Variants in ATRNL1 observed in about 807,000 individuals in gnomAD.
ATRNL1 encodes the protein attractin like 1.
In ATRNL1, 95 loss-of-function variants were observed where a neutral mutation model predicts 182.7. The observed-to-expected ratio is 0.52, with a 90% CI of 0.44 to 0.62. ATRNL1 has a LOEUF of 0.62. ATRNL1 is among the 20% of genes least tolerant of loss of function. The pLI, the probability that ATRNL1 is intolerant of heterozygous loss-of-function variation, is 0.00. For missense variants in ATRNL1, 1,471 were observed against 1,679.5 expected, an observed-to-expected ratio of 0.88 and a Z score of 2.17; for synonymous variants, 576 against 568.3, an observed-to-expected ratio of 1.01 and a Z score of -0.19.
intron 21 of ATRNL1, among the ~76,000 whole-genome samples, chr10:115,437,488 T>G (rs1452806836): frequency 6.6e-6 from 1 of 152,056 alleles, no homozygotes. Flanking sequence ...TAAAATATCA[T>G]TACAGCACAT....
At chr10:115,843,703 T>C (rs2134344975) in intron 27 of ATRNL1, among the ~76,000 whole-genome samples, 1 of 152,174 alleles carries the variant, frequency 6.6e-6, no homozygotes, top group African/African-American at 2.4e-5. Flanking sequence ...GTAGGGAATG[T>C]CATTTTGGAC....
chr10:115,395,858 T>G (rs968126128), intron 20 of ATRNL1, among the ~76,000 whole-genome samples: 2 of 151,796 alleles, frequency 1.3e-5, no homozygotes, highest in Admixed American at 6.6e-5. Context: ...AATCAAATTT[T>G]TATGGTTTTG....
chr10:115,727,430 CT>C, intron 27 of ATRNL1, 75 bp downstream of exon 27: 1 of 1,109,876 alleles, frequency 9.0e-7, no homozygotes, highest in Non-Finnish European at 1.3e-6. Flanking sequence ...TCTACATCTG[CT>C]TATGAAGCCA....
chr10:115,780,217 G>A (rs1307420731), intron 27 of ATRNL1, among the ~76,000 whole-genome samples: 1 of 152,194 alleles, frequency 6.6e-6, no homozygotes, highest in African/African-American at 2.4e-5. Flanking sequence ...ACAGGATACA[G>A]CAAAACCAGG....
intron 16 of ATRNL1, among the ~76,000 whole-genome samples, chr10:115,301,611 A>C (rs566396856): frequency 3.6e-4 from 55 of 152,312 alleles, no homozygotes; most frequent in African/African-American, 1.3e-3. Flanking sequence ...TAATACTTAA[A>C]ATTATACAAC....
intron 1 of ATRNL1, among the ~76,000 whole-genome samples, chr10:115,096,190 A>C (rs1358864793): frequency 6.6e-6 from 1 of 152,186 alleles, no homozygotes; most frequent in African/African-American, 2.4e-5. Flanking sequence ...CTTGGAAGCT[A>C]TTATTTCCTA....
chr10:115,401,966 A>G (rs2134305658), intron 20 of ATRNL1, among the ~76,000 whole-genome samples: 1 of 152,266 alleles, frequency 6.6e-6, no homozygotes, highest in South Asian at 2.1e-4. Flanking sequence ...TTTGGCACCA[A>G]TTTAATATGT....
At chr10:115,701,590 A>G (rs1373416883) in intron 26 of ATRNL1, among the ~76,000 whole-genome samples, 1 of 152,032 alleles carries the variant, frequency 6.6e-6, no homozygotes, top group Non-Finnish European at 1.5e-5. Context: ...GATCCAAATA[A>G]CCAAAATCAG....
At chr10:115,663,840 C>T (rs145187604) in intron 26 of ATRNL1, among the ~76,000 whole-genome samples, 218 of 151,578 alleles carry the variant, frequency 1.4e-3, no homozygotes, top group African/African-American at 5.0e-3. Context: ...TTTTCTGGTT[C>T]TGAAAATACT....
chr10:115,439,666 T>C (rs577506018), intron 21 of ATRNL1, among the ~76,000 whole-genome samples: 38 of 151,982 alleles, frequency 2.5e-4, no homozygotes, highest in Middle Eastern at 3.4e-3. Context: ...ATGCTTAAAC[T>C]AAGGATTTTC....
At chr10:115,870,510 A>C (rs782641189) in intron 28 of ATRNL1, among the ~76,000 whole-genome samples, 9 of 152,208 alleles carry the variant, frequency 5.9e-5, no homozygotes, top group Non-Finnish European at 1.0e-4. Context: ...ATTTGAGGTA[A>C]GCACTGGTTA....
At position 115,946,945 on chromosome 10, in the gene ATRNL1, T is replaced by C. The variant is rs956518933; in HGVS notation, c.*2166T>C. Reference sequence around the variant, plus strand: ...GGAGGCTAAGCAGATAGTATTACTGTGGAAGAATTATCAAGTTTTATTCAC... The same window carrying C: ...GGAGGCTAAGCAGATAGTATTACTGCGGAAGAATTATCAAGTTTTATTCAC... On this transcript the variant is annotated 3_prime_UTR_variant, in exon 29 of 29. Coordinates refer to ENST00000355044, the MANE Select transcript of ATRNL1 (RefSeq NM_207303.4). 6.6e-6 allele frequency: 1 copy of C among 152,378 alleles called. No individual in the cohort carries two copies. Among genetic ancestry groups the C allele is most frequent in the Non-Finnish European group, 1.5e-5 (1 of 68,034 alleles). 9.4% of individuals were successfully genotyped at this position (152,378 alleles called of 1,614,324 possible).
At chr10:115,392,943 C>T (rs534536151) in intron 19 of ATRNL1, among the ~76,000 whole-genome samples, 1 of 152,118 alleles carries the variant, frequency 6.6e-6, no homozygotes, top group Non-Finnish European at 1.5e-5. Context: ...TTCTATTTGT[C>T]CTTCCACCTC....
At chr10:115,648,527 A>G (rs1008862833) in intron 26 of ATRNL1, among the ~76,000 whole-genome samples, 18 of 152,210 alleles carry the variant, frequency 1.2e-4, no homozygotes, top group African/African-American at 4.3e-4. Flanking sequence ...ACAAAGCTGG[A>G]GGCATCATGC....
intron 5 of ATRNL1, among the ~76,000 whole-genome samples, chr10:115,129,991 G>T (rs1446999199): frequency 6.6e-6 from 1 of 152,048 alleles, no homozygotes; most frequent in Non-Finnish European, 1.5e-5. Context: ...ATTTTAAAAA[G>T]AACTAGACTA....
intron 25 of ATRNL1, among the ~76,000 whole-genome samples, chr10:115,526,672 T>G (rs1374646861): frequency 6.6e-6 from 1 of 152,122 alleles, no homozygotes; most frequent in Non-Finnish European, 1.5e-5. Flanking sequence ...CATCTTACCT[T>G]CTGTTTACTT....
intron 19 of ATRNL1, among the ~76,000 whole-genome samples, chr10:115,364,979 C>A (rs1856952170): frequency 6.6e-6 from 1 of 150,900 alleles, no homozygotes; most frequent in African/African-American, 2.5e-5. Context: ...GTCTAAAATT[C>A]TCTTTTTTGG....
At chr10:115,355,268 A>G (rs559571407) in intron 19 of ATRNL1, among the ~76,000 whole-genome samples, 146 of 152,220 alleles carry the variant, frequency 9.6e-4, no homozygotes, top group East Asian at 5.8e-4. Flanking sequence ...GGCATTGTTT[A>G]TACCTGTCCT....
chr10:115,130,287 C>T (rs1241042675), intron 5 of ATRNL1, among the ~76,000 whole-genome samples: 1 of 151,044 alleles, frequency 6.6e-6, no homozygotes, highest in African/African-American at 2.4e-5. Flanking sequence ...GGAAATTTGA[C>T]TCAATAATTA....
Sources: allele counts gnomAD v4.1 joint callset (sites outside exome capture counted in the v4.1 genomes callset), GRCh38; gene constraint gnomAD v4.1.1; transcripts MANE v1.5; gene names NCBI Gene and HGNC (gene_info 2026-07-23, HGNC 2026-07-21).